The following PCDH15 variants were observed in gnomAD, a reference collection of about 807,000 sequenced individuals.
The protein encoded by PCDH15 is protocadherin related 15, also known as protocadherin-15.
PCDH15 carries 129 observed loss-of-function variants against 178.5 expected under a neutral mutation model. That is an observed-to-expected ratio of 0.72 (90% CI 0.63 to 0.84). PCDH15 has a LOEUF of 0.84. Ranked by LOEUF, PCDH15 falls within the 40% of genes least tolerant of loss-of-function variation. The pLI, the probability that PCDH15 is intolerant of heterozygous loss-of-function variation, is 0.00. For synonymous variants in PCDH15, 800 were observed against 732.0 expected, an observed-to-expected ratio of 1.09 and a Z score of -1.50; for missense variants, 2,230 against 2,099.9, an observed-to-expected ratio of 1.06 and a Z score of -1.21.
At chr10:54,523,468 T>C (rs2083082005) in intron 3 of PCDH15, among the ~76,000 whole-genome samples, 1 of 152,154 alleles carries the variant, frequency 6.6e-6, no homozygotes, top group Admixed American at 6.6e-5. Flanking sequence ...ATAAAATAAA[T>C]GCTCATTTTA....
intron 3 of PCDH15, among the ~76,000 whole-genome samples, chr10:54,517,940 A>G (rs192065725): frequency 9.2e-5 from 14 of 152,334 alleles, no homozygotes; most frequent in Admixed American, 8.5e-4. Context: ...TGGAAACTGA[A>G]CAACCTGCTC....
chr10:53,957,615 C>T (rs777679159), intron 23 of PCDH15, among the ~76,000 whole-genome samples: 1 of 151,072 alleles, frequency 6.6e-6, no homozygotes, highest in Non-Finnish European at 1.5e-5. Flanking sequence ...CAGGACAGCA[C>T]AAGATTTCAT....
At chr10:55,314,361 T>G (rs1380936847) in intron 1 of PCDH15, among the ~76,000 whole-genome samples, 1 of 151,764 alleles carries the variant, frequency 6.6e-6, no homozygotes, top group Non-Finnish European at 1.5e-5. Flanking sequence ...AAAAGGACAT[T>G]TAACTGCTGA....
chr10:55,130,741 A>T (rs558471584), intron 2 of PCDH15, among the ~76,000 whole-genome samples: 1 of 151,304 alleles, frequency 6.6e-6, no homozygotes, highest in Non-Finnish European at 1.5e-5. Flanking sequence ...ACATTAAGCC[A>T]TAACTAGGCA....
intron 2 of PCDH15, among the ~76,000 whole-genome samples, chr10:55,065,651 T>A (rs1841546614): frequency 6.6e-6 from 1 of 152,098 alleles, no homozygotes; most frequent in African/African-American, 2.4e-5. Flanking sequence ...CTAGAACTTT[T>A]AAGAAGTCAA....
chr10:54,685,722 T>C (rs983428424), intron 1 of PCDH15, among the ~76,000 whole-genome samples: 1 of 152,178 alleles, frequency 6.6e-6, no homozygotes, highest in Non-Finnish European at 1.5e-5. Flanking sequence ...CATCATAGCT[T>C]AGCTTAGCCT....
intron 1 of PCDH15, among the ~76,000 whole-genome samples, chr10:55,274,063 A>G (rs1200814536): frequency 6.6e-6 from 1 of 152,110 alleles, no homozygotes; most frequent in Non-Finnish European, 1.5e-5. Flanking sequence ...ATTATTACAG[A>G]ATTTCCTCTT....
At chr10:55,563,423 A>T (rs888277537) in intron 2 of PCDH15, among the ~76,000 whole-genome samples, 2 of 151,956 alleles carry the variant, frequency 1.3e-5, no homozygotes, top group Non-Finnish European at 2.9e-5. Flanking sequence ...AAAAGTCTTT[A>T]AGTTTACAAC....
At chr10:54,673,878 CTTACAACA>C (rs2094727543) in intron 1 of PCDH15, among the ~76,000 whole-genome samples, 1 of 152,110 alleles carries the variant, frequency 6.6e-6, no homozygotes, top group African/African-American at 2.4e-5. Flanking sequence ...TTAACATGTA[CTTACAACA>C]TTTATTTAAC....
chr10:54,764,106 T>C (rs1292522115), intron 1 of PCDH15, among the ~76,000 whole-genome samples: 5 of 151,980 alleles, frequency 3.3e-5, no homozygotes, highest in Non-Finnish European at 2.9e-5. Flanking sequence ...GAAAAATAAA[T>C]ATATATTTTT....
chr10:55,068,049 G>C (rs570847573), intron 2 of PCDH15, among the ~76,000 whole-genome samples: 35 of 152,118 alleles, frequency 2.3e-4, no homozygotes, highest in African/African-American at 7.5e-4. Flanking sequence ...TGTCTCTACA[G>C]TCTGTTAGTT....
chr10:54,529,639 T>C (rs1447188369), intron 2 of PCDH15, among the ~76,000 whole-genome samples: 1 of 152,140 alleles, frequency 6.6e-6, no homozygotes, highest in Non-Finnish European at 1.5e-5. Flanking sequence ...TAGCAAAATT[T>C]TGTTATCTAA....
At chr10:54,997,601 T>G (rs1178929353) in intron 2 of PCDH15, among the ~76,000 whole-genome samples, 1 of 152,192 alleles carries the variant, frequency 6.6e-6, no homozygotes, top group Admixed American at 6.5e-5. Flanking sequence ...GCAAATTTAT[T>G]TGACAAAACT....
intron 9 of PCDH15, among the ~76,000 whole-genome samples, chr10:54,221,599 T>C (rs1460820289): frequency 6.8e-6 from 1 of 146,376 alleles, no homozygotes; most frequent in African/African-American, 2.8e-5. Context: ...TAGTATGTAT[T>C]CTTTTTTTTT....
chr10:54,677,815 G>A (rs2094818933), intron 1 of PCDH15, among the ~76,000 whole-genome samples: 1 of 152,132 alleles, frequency 6.6e-6, no homozygotes, highest in South Asian at 2.1e-4. Context: ...TCCAGACCAT[G>A]TTGCAATAGT....
chr10:55,506,891 T>C (rs1374011357), intron 2 of PCDH15, among the ~76,000 whole-genome samples: 4 of 151,542 alleles, frequency 2.6e-5, no homozygotes, highest in Non-Finnish European at 5.9e-5. Context: ...CAAACTATAA[T>C]AATGGCTACA....
chr10:54,681,260 T>C (rs536776122), intron 1 of PCDH15, among the ~76,000 whole-genome samples: 1 of 152,262 alleles, frequency 6.6e-6, no homozygotes, highest in East Asian at 1.9e-4. Context: ...GAAATATCTA[T>C]TAAACTACCA....
At chr10:54,323,553 T>C (rs1002082653) in intron 7 of PCDH15, among the ~76,000 whole-genome samples, 17 of 152,160 alleles carry the variant, frequency 1.1e-4, no homozygotes, top group Non-Finnish European at 2.2e-4. Flanking sequence ...AATGAAATCA[T>C]GTCCTTTGAA....
At chr10:55,026,150 A>G (rs1252932313) in intron 2 of PCDH15, among the ~76,000 whole-genome samples, 1 of 152,002 alleles carries the variant, frequency 6.6e-6, no homozygotes, top group Non-Finnish European at 1.5e-5. Flanking sequence ...TATTTTCCAC[A>G]AATGGAAGAC....
Sources: gnomAD v4.1 joint callset for allele counts (sites outside exome capture counted in the v4.1 genomes callset) on GRCh38, gnomAD v4.1.1 for gene constraint, MANE v1.5 for transcripts, NCBI Gene and HGNC (gene_info 2026-07-23, HGNC 2026-07-21) for gene names.